Variants in VDAC1 observed in about 807,000 individuals in gnomAD.
The protein encoded by VDAC1 is voltage dependent anion channel 1, also known as non-selective voltage-gated ion channel VDAC1.
Under a neutral mutation model 34.7 loss-of-function variants are expected in VDAC1, and 10 were observed. The ratio of observed to expected loss-of-function variants is 0.29; its 90% CI spans 0.18 to 0.49. The LOEUF (loss-of-function observed/expected upper bound fraction) is 0.49, where lower values mean the gene tolerates loss of function less well. VDAC1 is among the 20% of genes least tolerant of loss of function. The pLI, the probability that VDAC1 is intolerant of heterozygous loss-of-function variation, is 0.99. For missense variants in VDAC1, 230 were observed against 347.9 expected, an observed-to-expected ratio of 0.66 and a Z score of 2.69; for synonymous variants, 130 against 136.0, an observed-to-expected ratio of 0.96 and a Z score of 0.30.
chr5:134,091,255 C>T, the VDAC1 span, among the ~76,000 whole-genome samples: 1 of 152,114 alleles, frequency 6.6e-6, no homozygotes, highest in Admixed American at 6.6e-5. Context: ...CGGCTTGTGC[C>T]CTGGAAATGC....
chr5:134,056,882 C>T, the VDAC1 span, among the ~76,000 whole-genome samples: 1 of 151,664 alleles, frequency 6.6e-6, no homozygotes, highest in Non-Finnish European at 1.5e-5. Flanking sequence ...ATGGGTTTCT[C>T]CATGTTGAGG....
At chr5:134,005,269 C>G (rs1202871504), upstream of VDAC1, 3 of 152,222 alleles carry the variant, frequency 2.0e-5, no homozygotes, top group Non-Finnish European at 4.4e-5. Flanking sequence ...TCAAAGCCCG[C>G]GTGGGCCCCA....
the VDAC1 span, among the ~76,000 whole-genome samples, chr5:134,020,688 G>T: frequency 1.4e-5 from 2 of 141,842 alleles, no homozygotes; most frequent in South Asian, 4.6e-4. Context: ...TTGTTTGTTT[G>T]TTTTTTGAGG....
chr5:134,046,360 G>A, the VDAC1 span, among the ~76,000 whole-genome samples: 6 of 151,514 alleles, frequency 4.0e-5, no homozygotes, highest in East Asian at 2.0e-4. Context: ...AAATAGAGAC[G>A]GGGTCTCCTT....
the VDAC1 span, among the ~76,000 whole-genome samples, chr5:134,093,661 G>A: frequency 1.3e-5 from 2 of 152,232 alleles, no homozygotes; most frequent in Non-Finnish European, 2.9e-5. Flanking sequence ...AGCCGGCAGA[G>A]AGAAGCATTC....
At chr5:134,019,650 T>C in the VDAC1 span, among the ~76,000 whole-genome samples, 2 of 152,046 alleles carry the variant, frequency 1.3e-5, no homozygotes, top group African/African-American at 4.8e-5. Flanking sequence ...GGCAGCAACA[T>C]AACAGAAGCC....
the VDAC1 span, among the ~76,000 whole-genome samples, chr5:134,027,998 T>C: frequency 6.6e-6 from 1 of 152,014 alleles, no homozygotes; most frequent in Non-Finnish European, 1.5e-5. Flanking sequence ...CTCAAACTCC[T>C]GACCTCAGGT....
At chr5:134,065,466 G>A in the VDAC1 span, among the ~76,000 whole-genome samples, 2 of 148,946 alleles carry the variant, frequency 1.3e-5, no homozygotes, top group South Asian at 2.1e-4. Flanking sequence ...TCAGCCTCCC[G>A]AGTAGCTGGG....
At chr5:134,102,514 C>A in the VDAC1 span, among the ~76,000 whole-genome samples, 3 of 151,820 alleles carry the variant, frequency 2.0e-5, no homozygotes, top group African/African-American at 7.3e-5. Context: ...ACTAAAAATA[C>A]AAAATTAGCC....
At chr5:134,096,043 G>A in the VDAC1 span, among the ~76,000 whole-genome samples, 1 of 152,198 alleles carries the variant, frequency 6.6e-6, no homozygotes, top group Admixed American at 6.5e-5. Flanking sequence ...CCTTGAGACC[G>A]ATAAGCCATG....
the VDAC1 span, among the ~76,000 whole-genome samples, chr5:134,069,254 T>G: frequency 3.9e-5 from 6 of 152,198 alleles, no homozygotes; most frequent in Non-Finnish European, 7.3e-5. Context: ...TTTAGTGTTC[T>G]CTAAACCTTA....
At chr5:134,068,562 A>G in the VDAC1 span, among the ~76,000 whole-genome samples, 1 of 152,008 alleles carries the variant, frequency 6.6e-6, no homozygotes, top group Non-Finnish European at 1.5e-5. Flanking sequence ...AAGGCTGTTT[A>G]CTTATGATTT....
intron 5 of VDAC1, among the ~76,000 whole-genome samples, chr5:133,988,587 AC>A (rs1169968334): frequency 6.6e-6 from 1 of 151,432 alleles, no homozygotes; most frequent in African/African-American, 2.4e-5. Context: ...ATACGGTGAA[AC>A]CCCCGTCTCC....
the VDAC1 span, among the ~76,000 whole-genome samples, chr5:134,057,000 A>G: frequency 6.6e-6 from 1 of 152,094 alleles, no homozygotes; most frequent in Non-Finnish European, 1.5e-5. Flanking sequence ...AAGATTTTCT[A>G]TATGAAGTGT....
intron 5 of VDAC1, among the ~76,000 whole-genome samples, chr5:133,988,317 T>C (rs1752977982): frequency 6.6e-6 from 1 of 150,824 alleles, no homozygotes; most frequent in Non-Finnish European, 1.5e-5. Context: ...GCAGGTGCAG[T>C]GGCTCACGCC....
intron 1 of VDAC1, among the ~76,000 whole-genome samples, chr5:134,001,715 T>TAAAA (rs10717143): frequency 4.5e-5 from 5 of 110,476 alleles, no homozygotes; most frequent in Admixed American, 9.9e-5. Context: ...AGACTCCATC[T>TAAAA]AAAAAAAAAA....
chr5:134,006,297 G>A (rs1753748537), upstream of VDAC1, among the ~76,000 whole-genome samples: 1 of 152,182 alleles, frequency 6.6e-6, no homozygotes, highest in African/African-American at 2.4e-5. Context: ...GCAGGGGGAG[G>A]ACAAGAACTC....
chr5:134,019,407 G>C, the VDAC1 span, among the ~76,000 whole-genome samples: 6 of 152,138 alleles, frequency 3.9e-5, no homozygotes, highest in South Asian at 1.0e-3. Context: ...GTGAGACTCT[G>C]TCTCTATGAA....
intron 5 of VDAC1, among the ~76,000 whole-genome samples, chr5:133,986,404 G>GTTT (rs537730784): frequency 1.5e-4 from 22 of 147,468 alleles, no homozygotes; most frequent in African/African-American, 5.2e-4. Flanking sequence ...TTTTAGTTTT[G>GTTT]TTTTTTTTTT....
Sources: allele counts gnomAD v4.1 joint callset (sites outside exome capture counted in the v4.1 genomes callset), GRCh38; gene constraint gnomAD v4.1.1; transcripts MANE v1.5; gene names NCBI Gene and HGNC (gene_info 2026-07-23, HGNC 2026-07-21).